Variants in USP3 observed in about 807,000 individuals in gnomAD.
USP3 encodes ubiquitin specific peptidase 3.
In USP3, 20 loss-of-function variants were observed where a neutral mutation model predicts 72.3. The ratio of observed to expected loss-of-function variants is 0.28; its 90% CI spans 0.19 to 0.40. USP3 has a LOEUF of 0.40. Ranked by LOEUF, USP3 falls within the 10% of genes least tolerant of loss-of-function variation. The pLI is 1.00. For missense variants in USP3, 479 were observed against 633.9 expected (o/e 0.76, Z 2.62); for synonymous variants, 222 against 225.3 (o/e 0.99, Z 0.13).
At chr15:63,559,503 G>A (rs1229407035) in intron 6 of USP3, among the ~76,000 whole-genome samples, 2 of 152,222 alleles carry the variant, frequency 1.3e-5, no homozygotes, top group Non-Finnish European at 2.9e-5. Context: ...CGGTTTCATG[G>A]TTTGTTTTTA....
intron 1 of USP3, among the ~76,000 whole-genome samples, chr15:63,520,497 T>C (rs992729319): frequency 6.6e-6 from 1 of 151,894 alleles, no homozygotes; most frequent in Non-Finnish European, 1.5e-5. Flanking sequence ...AGTCTCCCTT[T>C]TAATACACTT....
intron 3 of USP3, among the ~76,000 whole-genome samples, chr15:63,543,884 T>C (rs1354925128): frequency 2.6e-5 from 4 of 152,088 alleles, no homozygotes; most frequent in Non-Finnish European, 1.5e-5. Flanking sequence ...CTGTCATTAA[T>C]GTCAAACCTT....
rs201112560 is a variant in USP3, at chr15:63,570,401, C to A, written c.762-32C>A. The A allele has an allele frequency of 1.2e-6, 2 of 1,612,544 alleles. No homozygotes were observed. Among genetic ancestry groups the A allele is most frequent in the South Asian group, 1.1e-5 (1 of 90,964 alleles). ...GGCTGGGCACAAAGAGCCCTCCACCCGGCCTTATAAGTGACTGTTTGTTTG... is the reference window on the plus strand; with the variant it reads ...GGCTGGGCACAAAGAGCCCTCCACCAGGCCTTATAAGTGACTGTTTGTTTG... On this transcript the variant is annotated intron_variant, in intron 8 of 14. Coordinates refer to ENST00000380324, the MANE Select transcript of USP3 (RefSeq NM_006537.4). The surrounding 1 kb of genome is among the most constrained non-coding windows in gnomAD (Gnocchi z 4.4).
intron 1 of USP3, among the ~76,000 whole-genome samples, chr15:63,526,163 T>A (rs2065978697): frequency 6.6e-6 from 1 of 152,228 alleles, no homozygotes; most frequent in African/African-American, 2.4e-5. Context: ...ACATAGCTGA[T>A]AACAGCTACT....
intron 8 of USP3, among the ~76,000 whole-genome samples, chr15:63,565,196 A>G (rs1024280137): frequency 2.0e-5 from 3 of 152,210 alleles, no homozygotes; most frequent in Admixed American, 2.0e-4. Context: ...TTCATCTATT[A>G]AATACACAAA....
rs181586687 is a variant in USP3 at position 63,529,677 on chromosome 15, T to C, written c.92-2970T>C. Reference sequence around the variant, plus strand: ...AAGGAGATCACCAAATTGTGTGTACTGTGTGTAGGTTTACAACCCTAAAGT... The same window carrying C: ...AAGGAGATCACCAAATTGTGTGTACCGTGTGTAGGTTTACAACCCTAAAGT... On this transcript the variant is annotated intron_variant, in intron 1 of 14. Coordinates refer to ENST00000380324, the MANE Select transcript of USP3 (RefSeq NM_006537.4). The surrounding 1 kb of genome is among the most constrained non-coding windows in gnomAD (Gnocchi z 4.2). 6.6e-5 allele frequency among the ~76,000 whole-genome samples: 10 copies of C among 152,356 alleles called. No individual in the cohort carries two copies. Among genetic ancestry groups the C allele is most frequent in the African/African-American group, 2.4e-4 (10 of 41,586 alleles).
At chr15:63,566,637 T>G (rs536481037) in intron 8 of USP3, among the ~76,000 whole-genome samples, 1 of 152,204 alleles carries the variant, frequency 6.6e-6, no homozygotes. Flanking sequence ...AATTAAAGTT[T>G]TATTTAACAA....
At chr15:63,511,018 A>AT (rs2152646827) in intron 1 of USP3, among the ~76,000 whole-genome samples, 1 of 152,172 alleles carries the variant, frequency 6.6e-6, no homozygotes, top group African/African-American at 2.4e-5. Flanking sequence ...GTAATTCCAG[A>AT]TGTTTTCTCA....
chr15:63,562,264 G>A (rs995627449), intron 7 of USP3, among the ~76,000 whole-genome samples: 5 of 152,198 alleles, frequency 3.3e-5, no homozygotes, highest in South Asian at 2.1e-4. Flanking sequence ...ATTCATATGC[G>A]AGAAGAGTGT....
intron 11 of USP3, among the ~76,000 whole-genome samples, chr15:63,578,878 T>A (rs540777754): frequency 6.6e-6 from 1 of 152,124 alleles, no homozygotes; most frequent in Non-Finnish European, 1.5e-5. Flanking sequence ...ACCTAGAACA[T>A]TTCAGGATAA....
intron 1 of USP3, among the ~76,000 whole-genome samples, chr15:63,519,807 A>C (rs1489974283): frequency 2.6e-5 from 4 of 152,174 alleles, no homozygotes; most frequent in African/African-American, 9.7e-5. Flanking sequence ...GCTATAAGAA[A>C]GAACTTTCTC....
intron 11 of USP3, among the ~76,000 whole-genome samples, chr15:63,577,633 C>T (rs554786421): frequency 1.3e-5 from 2 of 151,990 alleles, no homozygotes; most frequent in East Asian, 3.9e-4. Flanking sequence ...GTACCTGTAA[C>T]CCCAGCTATT....
intron 4 of USP3, among the ~76,000 whole-genome samples, chr15:63,555,536 TCTGCATTTTGAGAGTCACTGAGGA>T (rs1267097210): frequency 1.2e-4 from 18 of 152,236 alleles, no homozygotes; most frequent in Admixed American, 1.0e-3. Context: ...TCTAGAAGAT[TCTGCATTTTGAGAGTCACTGAGGA>T]TAAAATTTAG....
intron 1 of USP3, among the ~76,000 whole-genome samples, chr15:63,506,010 C>T (rs2065707838): frequency 6.6e-6 from 1 of 152,138 alleles, no homozygotes; most frequent in Non-Finnish European, 1.5e-5. Context: ...ATCGGTAGGT[C>T]CACAAAGAAA....
At chr15:63,506,719 A>C (rs1253378612) in intron 1 of USP3, among the ~76,000 whole-genome samples, 1 of 152,252 alleles carries the variant, frequency 6.6e-6, no homozygotes, top group Non-Finnish European at 1.5e-5. Flanking sequence ...TGATAACAAG[A>C]ATAAACTAGT....
rs1289179772 is a variant in USP3 at position 63,504,827 on chromosome 15, A to G, written c.88A>G (p.Ser30Gly). The G allele has an allele frequency of 1.9e-6, 3 of 1,606,038 alleles. No homozygotes were observed. Among genetic ancestry groups the G allele is most frequent in the African/African-American group, 1.3e-5 (1 of 74,232 alleles). The change falls in exon 1 of 15, where the codon AGC becomes GGC. Residue 30 changes from serine (S) to glycine (G), a missense_variant. Physicochemically the swap from Ser to Gly is moderately conservative, Grantham distance 56. Coordinates refer to ENST00000380324, the MANE Select transcript of USP3 (RefSeq NM_006537.4). Reference protein sequence around the residue: ...PNGSPSSWCCSVCRSNKSPWV... With the variant: ...PNGSPSSWCCGVCRSNKSPWV... ...CGGCTCCCCGTCGTCCTGGTGCTGCAGCGGTGAGTGCGGCCACGGGCCGGC... is the reference window on the plus strand; with the variant it reads ...CGGCTCCCCGTCGTCCTGGTGCTGCGGCGGTGAGTGCGGCCACGGGCCGGC...
At chr15:63,581,670 C>T (rs1030790285) in intron 11 of USP3, among the ~76,000 whole-genome samples, 1 of 149,450 alleles carries the variant, frequency 6.7e-6, no homozygotes, top group African/African-American at 2.5e-5. Context: ...GCTGGGATTA[C>T]AGGTGTGAGC....
intron 11 of USP3, among the ~76,000 whole-genome samples, chr15:63,582,790 G>T (rs926791936): frequency 6.6e-6 from 1 of 152,164 alleles, no homozygotes; most frequent in Non-Finnish European, 1.5e-5. Context: ...AGGAAGGAAG[G>T]CTGCGAGAGG....
At chr15:63,545,442 T>C (rs901872712) in intron 3 of USP3, among the ~76,000 whole-genome samples, 1 of 152,214 alleles carries the variant, frequency 6.6e-6, no homozygotes. Flanking sequence ...GACTAATCTT[T>C]ACATACCCAA....
Sources: allele counts gnomAD v4.1 joint callset (sites outside exome capture counted in the v4.1 genomes callset), GRCh38; gene constraint gnomAD v4.1.1; non-coding constraint Gnocchi (gnomAD v3.1); transcripts MANE v1.5; gene names NCBI Gene and HGNC (gene_info 2026-07-23, HGNC 2026-07-21).